The following CNTNAP2 variants were observed in gnomAD, a reference collection of about 807,000 sequenced individuals.
CNTNAP2 encodes contactin-associated protein-like 2.
Under a neutral mutation model 155.2 loss-of-function variants are expected in CNTNAP2, and 98 were observed. The ratio of observed to expected loss-of-function variants is 0.63; its 90% CI spans 0.54 to 0.75. CNTNAP2 has a LOEUF of 0.75. Ranked by LOEUF, CNTNAP2 falls within the 30% of genes least tolerant of loss-of-function variation. The probability of loss-of-function intolerance (pLI) is 0.00; values close to 1 mark genes in which losing one functional copy is unlikely to be tolerated. For synonymous variants in CNTNAP2, 651 were observed against 631.2 expected (o/e 1.03, Z -0.47); for missense variants, 1,727 against 1,688.1 (o/e 1.02, Z -0.40).
At chr7:146,952,614 A>G (rs888027171) in intron 3 of CNTNAP2, among the ~76,000 whole-genome samples, 3 of 152,172 alleles carry the variant, frequency 2.0e-5, no homozygotes, top group Non-Finnish European at 4.4e-5. Flanking sequence ...AAAAATCACA[A>G]GCATTCCTAT....
chr7:147,736,231 T>G (rs1796840962), intron 13 of CNTNAP2, among the ~76,000 whole-genome samples: 1 of 151,876 alleles, frequency 6.6e-6, no homozygotes, highest in Non-Finnish European at 1.5e-5. Flanking sequence ...TGACAAAATC[T>G]CTCAGCATTT....
At chr7:146,731,634 T>C (rs927857426) in intron 1 of CNTNAP2, among the ~76,000 whole-genome samples, 1 of 152,060 alleles carries the variant, frequency 6.6e-6, no homozygotes, top group Non-Finnish European at 1.5e-5. Context: ...AATTAGTATC[T>C]TCAGTTGAGG....
rs1262757409 is a variant in CNTNAP2 at position 148,331,787 on chromosome 7, G to T, written c.3476-51862G>T. Among the ~76,000 whole-genome samples, 2 of 151,236 alleles carry T rather than the reference G, an allele frequency of 1.3e-5. 1 individual carries two copies. The highest frequency in any genetic ancestry group is 3.0e-5 in the Non-Finnish European group (2 of 67,678). ...ATTGGATGGATGGAATGGACAGATG[G>T]AGTGGATGGATAGAATGGCCTCCTC... On this transcript the variant is annotated intron_variant, in intron 21 of 23. Coordinates refer to ENST00000361727, the MANE Select transcript of CNTNAP2 (RefSeq NM_014141.6).
intron 1 of CNTNAP2, among the ~76,000 whole-genome samples, chr7:146,280,684 C>A (rs549566202): frequency 1.3e-5 from 2 of 152,320 alleles, no homozygotes; most frequent in Non-Finnish European, 2.9e-5. Context: ...ACCTCCACCC[C>A]TAGAATCTGA....
chr7:146,136,249 C>A (rs1312022479), intron 1 of CNTNAP2, among the ~76,000 whole-genome samples: 1 of 152,094 alleles, frequency 6.6e-6, no homozygotes, highest in African/African-American at 2.4e-5. Flanking sequence ...CCAGAAATCA[C>A]CACATGTAGC....
chr7:146,162,892 C>A (rs1798246505), intron 1 of CNTNAP2, among the ~76,000 whole-genome samples: 1 of 152,136 alleles, frequency 6.6e-6, no homozygotes, highest in Non-Finnish European at 1.5e-5. Context: ...TCGTTCTCAG[C>A]AAACTATCAC....
At chr7:146,864,990 T>TAAAAAAAAA (rs55646482) in intron 3 of CNTNAP2, among the ~76,000 whole-genome samples, 3 of 83,996 alleles carry the variant, frequency 3.6e-5, no homozygotes, top group Admixed American at 2.9e-4. Context: ...AGAGTCTATC[T>TAAAAAAAAA]AAAAAAAAAA....
chr7:147,347,314 C>T (rs1462083413), intron 9 of CNTNAP2, among the ~76,000 whole-genome samples: 1 of 151,522 alleles, frequency 6.6e-6, no homozygotes. Flanking sequence ...TAGGACAAAA[C>T]ACACTGAAGA....
At chr7:148,104,380 T>C (rs1804166237) in intron 15 of CNTNAP2, among the ~76,000 whole-genome samples, 1 of 152,202 alleles carries the variant, frequency 6.6e-6, no homozygotes, top group African/African-American at 2.4e-5. Flanking sequence ...GGTGGCTTTT[T>C]TCCACATTTT....
intron 1 of CNTNAP2, among the ~76,000 whole-genome samples, chr7:146,418,580 C>T (rs1795968772): frequency 6.6e-6 from 1 of 152,116 alleles, no homozygotes; most frequent in Admixed American, 6.6e-5. Flanking sequence ...TAAATTGGTA[C>T]ATAATGCGTA....
chr7:147,435,745 G>C (rs184179444), intron 10 of CNTNAP2, among the ~76,000 whole-genome samples: 2 of 152,236 alleles, frequency 1.3e-5, no homozygotes, highest in Admixed American at 1.3e-4. Context: ...TTTATTAATT[G>C]TGTCATTTTG....
At chr7:147,408,960 G>A (rs1343023124) in intron 10 of CNTNAP2, among the ~76,000 whole-genome samples, 5 of 152,188 alleles carry the variant, frequency 3.3e-5, no homozygotes, top group Non-Finnish European at 5.9e-5. Context: ...GTATTTAGGA[G>A]TTGGACTGAG....
At chr7:147,524,875 T>C (rs933919943) in intron 11 of CNTNAP2, among the ~76,000 whole-genome samples, 8 of 152,206 alleles carry the variant, frequency 5.3e-5, no homozygotes, top group Non-Finnish European at 7.3e-5. Flanking sequence ...GCCTGAGTCA[T>C]ACAATAATTT....
At chr7:147,345,177 A>G (rs1244247815) in intron 9 of CNTNAP2, among the ~76,000 whole-genome samples, 1 of 152,154 alleles carries the variant, frequency 6.6e-6, no homozygotes, top group African/African-American at 2.4e-5. Flanking sequence ...GAATTATAAA[A>G]CAACTGAAAA....
At chr7:147,173,134 T>C (rs1802265696) in intron 8 of CNTNAP2, among the ~76,000 whole-genome samples, 1 of 152,180 alleles carries the variant, frequency 6.6e-6, no homozygotes. Flanking sequence ...AAATGTGTCT[T>C]GATGGTATTA....
chr7:146,273,071 G>A (rs1011847570), intron 1 of CNTNAP2, among the ~76,000 whole-genome samples: 3 of 142,114 alleles, frequency 2.1e-5, no homozygotes, highest in Non-Finnish European at 4.4e-5. Context: ...AGGGTGGAAG[G>A]GTGAGAGAAA....
At chr7:146,969,812 C>A (rs1484371390) in intron 3 of CNTNAP2, among the ~76,000 whole-genome samples, 3 of 152,164 alleles carry the variant, frequency 2.0e-5, no homozygotes, top group Non-Finnish European at 2.9e-5. Context: ...TCAAACTATA[C>A]TACAAGGCTA....
intron 4 of CNTNAP2, among the ~76,000 whole-genome samples, chr7:147,104,464 A>G (rs1199057193): frequency 2.0e-5 from 3 of 151,930 alleles, no homozygotes; most frequent in African/African-American, 7.2e-5. Flanking sequence ...AATCACAAAT[A>G]GTATATTATC....
intron 8 of CNTNAP2, among the ~76,000 whole-genome samples, chr7:147,173,953 T>A (rs1178969166): frequency 6.6e-6 from 1 of 152,072 alleles, no homozygotes; most frequent in African/African-American, 2.4e-5. Context: ...TGATACAGAA[T>A]CATGTAAAAC....
Sources: gnomAD v4.1 joint callset for allele counts (sites outside exome capture counted in the v4.1 genomes callset) on GRCh38, gnomAD v4.1.1 for gene constraint, MANE v1.5 for transcripts, NCBI Gene and HGNC (gene_info 2026-07-23, HGNC 2026-07-21) for gene names.